The following TENM4 variants were observed in gnomAD, a reference collection of about 807,000 sequenced individuals.
TENM4 encodes the protein teneurin transmembrane protein 4, also known as teneurin-4.
Under a neutral mutation model 243.3 loss-of-function variants are expected in TENM4, and 82 were observed. The ratio of observed to expected loss-of-function variants is 0.34; its 90% confidence interval spans 0.28 to 0.40. The LOEUF is 0.40. Among genes scored for constraint, TENM4 ranks in the 10% least tolerant of loss-of-function variants. The pLI, the probability that TENM4 is intolerant of heterozygous loss-of-function variation, is 1.00. For synonymous variants in TENM4, 1,412 were observed against 1,456.3 expected (o/e 0.97, Z 0.69); for missense variants, 3,138 against 3,673.3 (o/e 0.85, Z 3.77).
intron 6 of TENM4, among the ~76,000 whole-genome samples, chr11:79,060,112 G>C (rs576104084): frequency 1.3e-5 from 2 of 152,226 alleles, no homozygotes; most frequent in Admixed American, 1.3e-4. Flanking sequence ...GCTTGGGAGC[G>C]AAGCTTGAAT....
chr11:79,246,202 T>A (rs762948603), intron 2 of TENM4, among the ~76,000 whole-genome samples: 5 of 152,180 alleles, frequency 3.3e-5, no homozygotes, highest in Admixed American at 3.3e-4. Context: ...GCTAGATATA[T>A]GCTAAGCACA....
chr11:78,853,226 T>C (rs1419377245), intron 12 of TENM4, among the ~76,000 whole-genome samples: 2 of 152,202 alleles, frequency 1.3e-5, no homozygotes, highest in Non-Finnish European at 2.9e-5. Context: ...AACTTTTATT[T>C]TCCTGTAGGG....
intron 6 of TENM4, among the ~76,000 whole-genome samples, chr11:78,960,974 C>A (rs1433398973): frequency 6.6e-6 from 1 of 152,192 alleles, no homozygotes; most frequent in East Asian, 1.9e-4. Flanking sequence ...ATGAGGTGGG[C>A]ACTACAATGG....
intron 2 of TENM4, among the ~76,000 whole-genome samples, chr11:79,266,196 T>A (rs1169676218): frequency 6.6e-6 from 1 of 152,210 alleles, no homozygotes; most frequent in Non-Finnish European, 1.5e-5. Flanking sequence ...AGATCTGACA[T>A]GTGCTCAGTA....
At chr11:78,986,098 C>A (rs1381194385) in intron 6 of TENM4, among the ~76,000 whole-genome samples, 1 of 152,152 alleles carries the variant, frequency 6.6e-6, no homozygotes, top group Non-Finnish European at 1.5e-5. Flanking sequence ...CTGGGCTCCT[C>A]TTACTCCTAG....
At chr11:79,026,777 C>T (rs915919757) in intron 6 of TENM4, among the ~76,000 whole-genome samples, 1 of 152,170 alleles carries the variant, frequency 6.6e-6, no homozygotes, top group Non-Finnish European at 1.5e-5. Flanking sequence ...TACAGAGTGG[C>T]TTCCTTCACA....
chr11:78,796,183 C>T (rs536678877), intron 15 of TENM4, among the ~76,000 whole-genome samples: 3 of 152,256 alleles, frequency 2.0e-5, no homozygotes, highest in South Asian at 2.1e-4. Flanking sequence ...TTACAAAGCA[C>T]CTACCACAGG....
At position 78,778,628 on chromosome 11, in the gene TENM4, G is replaced by T; in HGVS notation, c.2366C>A (p.Ala789Asp). ...TTTAACTACCCTATCCAGATAGTGA[G>T]CTAGGGAGATAAAAGACAGGACATT... ...PGWNGEHCTI[A>D]HYLDRVVKEG... Residue 789 changes from alanine (A) to aspartate (D), a missense_variant and splice_region_variant, in exon 17 of 34, where the codon GCT becomes GAT. Physicochemically the swap from Ala to Asp is moderately radical, Grantham distance 126 (BLOSUM62 -2). Transcript: ENST00000278550. The T allele has an allele frequency of 6.2e-7, 1 of 1,611,958 alleles. No individual in the cohort carries two copies. The highest frequency in any genetic ancestry group is 8.5e-7 in the Non-Finnish European group (1 of 1,179,030).
chr11:79,225,920 G>T (rs187784993), intron 2 of TENM4, among the ~76,000 whole-genome samples: 253 of 152,236 alleles, frequency 1.7e-3, no homozygotes, highest in Non-Finnish European at 3.3e-3. Context: ...TAATATGAAT[G>T]GATCCATGTA....
chr11:78,738,405 C>A (rs1855848052), intron 20 of TENM4, 46 bp downstream of exon 20: 2 of 1,588,050 alleles, frequency 1.3e-6, no homozygotes, highest in Non-Finnish European at 1.7e-6. Context: ...GGCAAGACCA[C>A]AAGAGCGGGA....
intron 1 of TENM4, among the ~76,000 whole-genome samples, chr11:79,397,660 GAGCCAGGAAGGCAAA>G (rs1326518811): frequency 1.3e-5 from 2 of 152,208 alleles, no homozygotes; most frequent in Non-Finnish European, 2.9e-5. Flanking sequence ...GAGGCTTTGT[GAGCCAGGAAGGCAAA>G]AGCCAGGAAG....
chr11:79,284,091 G>C (rs1227485198), intron 2 of TENM4, among the ~76,000 whole-genome samples: 1 of 152,160 alleles, frequency 6.6e-6, no homozygotes, highest in Non-Finnish European at 1.5e-5. Context: ...CATGTTTGTG[G>C]ATTGGGAGAT....
chr11:78,658,202 C>G lies in TENM4; in HGVS notation c.8166G>C (p.Glu2722Asp), dbSNP rs766780922. Residue 2722 changes from glutamate to aspartate, a missense_variant, in exon 34 of 34, where the codon GAG (glutamate) becomes GAC (aspartate). Transcript: ENST00000278550. ...TGCTCAGCACCTGCTGCTTCTCCCC[C>G]TCTGTCCAGGCCCGCAGGCCTTCCT... ...EGEEGLRAWT[E>D]GEKQQVLSTG... The G allele has an allele frequency of 1.4e-5, 23 of 1,614,078 alleles. 1 individual carries two copies. The South Asian group carries it at 1.5e-4, about 11-fold the overall frequency.
chr11:79,296,600 A>G (rs1455529807), intron 2 of TENM4, among the ~76,000 whole-genome samples: 1 of 152,252 alleles, frequency 6.6e-6, no homozygotes, highest in African/African-American at 2.4e-5. Context: ...GTAGAATGCA[A>G]CAATGACCAT....
At chr11:79,142,449 T>A (rs1401332216) in intron 4 of TENM4, among the ~76,000 whole-genome samples, 1 of 151,906 alleles carries the variant, frequency 6.6e-6, no homozygotes, top group Non-Finnish European at 1.5e-5. Context: ...ATCTCTACAA[T>A]GAAAACTGTA....
intron 4 of TENM4, among the ~76,000 whole-genome samples, chr11:79,113,234 GGGA>G (rs1025233382): frequency 1.3e-5 from 2 of 148,868 alleles, no homozygotes; most frequent in African/African-American, 5.1e-5. Flanking sequence ...ATTCAGGAAA[GGGA>G]GGAGGAGGAG....
At chr11:79,036,321 C>T (rs1859376316) in intron 6 of TENM4, among the ~76,000 whole-genome samples, 1 of 152,228 alleles carries the variant, frequency 6.6e-6, no homozygotes, top group South Asian at 2.1e-4. Flanking sequence ...CAGGCACCTG[C>T]ATCACCAGCT....
At chr11:78,873,104 C>T (rs2136245892) in intron 9 of TENM4, among the ~76,000 whole-genome samples, 2 of 152,288 alleles carry the variant, frequency 1.3e-5, no homozygotes, top group South Asian at 4.1e-4. Flanking sequence ...TACAGCTTCC[C>T]AGTCTCCAGT....
Position 78,669,633 on chromosome 11 carries a change from G to A in TENM4, c.6712C>T (p.Arg2238Trp), listed in dbSNP as rs779398356. 11 of 1,613,890 alleles carry A rather than the reference G, an allele frequency of 6.8e-6. No homozygotes were observed. The highest frequency in any genetic ancestry group is 2.7e-5 in the African/African-American group (2 of 74,920). Residue 2238 changes from arginine (R) to tryptophan (W), a missense_variant, in exon 32 of 34, where the codon CGG becomes TGG. This residue lies in a region of TENM4 where 2,467 missense variants were observed against 3,059.1 expected (regional missense o/e 0.81). Coordinates refer to ENST00000278550, the MANE Select transcript of TENM4 (RefSeq NM_001098816.3). This position sits in a 1 kb window ranked among gnomAD's most constrained non-coding sequence, Gnocchi z 6.4. ...PGNSARLTPL[R>W]YDIRDRITRL... ...GTGATGCGGTCGCGGATGTCATACC[G>A]TAGTGGTGTGAGCCGTGCACTGTTC...
Sources: allele counts gnomAD v4.1 joint callset (sites outside exome capture counted in the v4.1 genomes callset), GRCh38; gene constraint gnomAD v4.1.1; regional missense constraint gnomAD v4.1.1; non-coding constraint Gnocchi (gnomAD v3.1); transcripts MANE v1.5; gene names NCBI Gene and HGNC (gene_info 2026-07-23, HGNC 2026-07-21).